The following FGF14 variants were observed in gnomAD, a reference collection of about 807,000 sequenced individuals.
The protein encoded by FGF14 is fibroblast growth factor homologous factor 4.
FGF14 carries 5 observed loss-of-function variants against 25.5 expected under a neutral mutation model. The observed-to-expected ratio is 0.20, with a 90% CI of 0.10 to 0.41. The LOEUF (loss-of-function observed/expected upper bound fraction) is 0.41, where lower values mean the gene tolerates loss of function less well. FGF14 is among the 10% of genes least tolerant of loss of function. The pLI is 1.00. For synonymous variants in FGF14, 138 were observed against 118.3 expected, an observed-to-expected ratio of 1.17 and a Z score of -1.08; for missense variants, 222 against 320.1, an observed-to-expected ratio of 0.69 and a Z score of 2.34.
At chr13:101,933,868 T>A (rs901868717) in intron 1 of FGF14, among the ~76,000 whole-genome samples, 7 of 152,196 alleles carry the variant, frequency 4.6e-5, no homozygotes, top group Admixed American at 1.3e-4. Context: ...GTATATATAT[T>A]TGACAAATAA....
At chr13:101,780,164 G>C (rs936737327) in intron 3 of FGF14, among the ~76,000 whole-genome samples, 1 of 152,104 alleles carries the variant, frequency 6.6e-6, no homozygotes, top group African/African-American at 2.4e-5. Context: ...TTGAGATATG[G>C]CTAAAATAAA....
intron 1 of FGF14, among the ~76,000 whole-genome samples, chr13:101,909,090 T>C (rs901061504): frequency 3.9e-5 from 6 of 152,126 alleles, no homozygotes; most frequent in African/African-American, 1.4e-4. Flanking sequence ...AAAAATTAAT[T>C]CAAGATGGAT....
chr13:102,355,221 C>A (rs2057388505), intron 1 of FGF14, among the ~76,000 whole-genome samples: 2 of 152,140 alleles, frequency 1.3e-5, no homozygotes, highest in South Asian at 4.1e-4. Context: ...CAGATTCCAA[C>A]AAAGCATGGA....
intron 1 of FGF14, among the ~76,000 whole-genome samples, chr13:102,096,741 T>C (rs1009697851): frequency 6.6e-6 from 1 of 151,852 alleles, no homozygotes; most frequent in African/African-American, 2.4e-5. Flanking sequence ...GCCTGGGATA[T>C]CCCTTCTGAG....
intron 1 of FGF14, among the ~76,000 whole-genome samples, chr13:101,928,425 GT>G (rs1291337255): frequency 6.7e-6 from 1 of 148,720 alleles, no homozygotes; most frequent in East Asian, 1.9e-4. Flanking sequence ...TGTGTGTGTA[GT>G]TTTTGCTAAC....
At chr13:102,023,043 GACACACACACACACACACAC>G (rs59221538) in intron 1 of FGF14, among the ~76,000 whole-genome samples, 6 of 146,302 alleles carry the variant, frequency 4.1e-5, no homozygotes, top group Non-Finnish European at 6.0e-5. Flanking sequence ...AATATTTTCG[GACACACACACACACACACAC>G]ACACACACAC....
At chr13:102,392,002 A>G (rs1595041244) in intron 1 of FGF14, among the ~76,000 whole-genome samples, 1 of 152,212 alleles carries the variant, frequency 6.6e-6, no homozygotes, top group African/African-American at 2.4e-5. Context: ...TCTTATGTTC[A>G]TATTTCTTAA....
intron 1 of FGF14, among the ~76,000 whole-genome samples, chr13:102,030,038 A>G (rs183914915): frequency 3.9e-4 from 59 of 152,196 alleles, no homozygotes; most frequent in Non-Finnish European, 6.6e-4. Context: ...TTAGGAGAGA[A>G]AAGTATTATG....
chr13:102,212,192 C>A (rs765702499), intron 1 of FGF14, among the ~76,000 whole-genome samples: 1 of 152,136 alleles, frequency 6.6e-6, no homozygotes, highest in African/African-American at 2.4e-5. Flanking sequence ...CCTTCTCTGC[C>A]GTCTCAGGCC....
At chr13:101,754,033 G>A (rs749258429) in intron 3 of FGF14, among the ~76,000 whole-genome samples, 4 of 152,126 alleles carry the variant, frequency 2.6e-5, no homozygotes, top group Non-Finnish European at 5.9e-5. Flanking sequence ...ACGTATGCCC[G>A]CGTGCCTGGA....
chr13:101,997,704 G>A (rs1267374366), intron 1 of FGF14, among the ~76,000 whole-genome samples: 1 of 152,130 alleles, frequency 6.6e-6, no homozygotes, highest in Non-Finnish European at 1.5e-5. Context: ...CATAATTGCA[G>A]CATACACATG....
chr13:102,030,404 G>T (rs571457332), intron 1 of FGF14, among the ~76,000 whole-genome samples: 1 of 151,216 alleles, frequency 6.6e-6, no homozygotes, highest in Admixed American at 6.6e-5. Context: ...TATCATTGCT[G>T]TGAAATAGCT....
At chr13:101,875,609 T>C (rs2045347604) in intron 1 of FGF14, among the ~76,000 whole-genome samples, 1 of 152,094 alleles carries the variant, frequency 6.6e-6, no homozygotes, top group African/African-American at 2.4e-5. Flanking sequence ...AAACGAATTA[T>C]TATAAACAAT....
intron 3 of FGF14, among the ~76,000 whole-genome samples, chr13:101,812,251 A>C (rs928500291): frequency 6.6e-6 from 1 of 152,098 alleles, no homozygotes; most frequent in Admixed American, 6.6e-5. Context: ...TTAATTGATA[A>C]ATTTTAGACT....
intron 3 of FGF14, among the ~76,000 whole-genome samples, chr13:101,835,166 A>G (rs1226251340): frequency 6.6e-6 from 1 of 152,090 alleles, no homozygotes; most frequent in Non-Finnish European, 1.5e-5. Flanking sequence ...GGAGTTGGAA[A>G]TAACCTTTGA....
chr13:102,067,116 C>T (rs1186942517), intron 1 of FGF14, among the ~76,000 whole-genome samples: 1 of 152,166 alleles, frequency 6.6e-6, no homozygotes, highest in African/African-American at 2.4e-5. Flanking sequence ...CCCACATCCT[C>T]ATGAACAGTA....
chr13:102,050,322 G>A (rs2042163685), intron 1 of FGF14, among the ~76,000 whole-genome samples: 1 of 152,168 alleles, frequency 6.6e-6, no homozygotes, highest in South Asian at 2.1e-4. Flanking sequence ...GGATGGGGAA[G>A]CTCTTATAAG....
chr13:101,801,747 C>A, intron 3 of FGF14: 1 of 156,102 alleles, frequency 6.4e-6, no homozygotes, highest in Non-Finnish European at 1.4e-5. Flanking sequence ...TGGAGAATAT[C>A]TGATGGACGT....
chr13:102,339,704 G>C (rs1171135887), intron 1 of FGF14, among the ~76,000 whole-genome samples: 3 of 152,138 alleles, frequency 2.0e-5, no homozygotes, highest in African/African-American at 7.2e-5. Flanking sequence ...AAGGAGGATA[G>C]AAAAAGACAT....
Sources: gnomAD v4.1 joint callset for allele counts (sites outside exome capture counted in the v4.1 genomes callset) on GRCh38, gnomAD v4.1.1 for gene constraint, MANE v1.5 for transcripts, NCBI Gene and HGNC (gene_info 2026-07-23, HGNC 2026-07-21) for gene names.